NCOA3: variants seen among roughly 807,000 people sequenced by gnomAD.
The protein encoded by NCOA3 is nuclear receptor coactivator 3, also known as CBP-interacting protein.
A neutral mutation model predicts 158.8 loss-of-function variants in NCOA3; 51 were observed. That is an observed-to-expected ratio of 0.32 (90% CI 0.26 to 0.41). NCOA3 has a LOEUF of 0.41. Among genes scored for constraint, NCOA3 ranks in the 10% least tolerant of loss-of-function variants. NCOA3 has a pLI of 1.00. For missense variants in NCOA3, 1,510 were observed against 1,746.6 expected, an observed-to-expected ratio of 0.86 and a Z score of 2.41; for synonymous variants, 537 against 592.4, an observed-to-expected ratio of 0.91 and a Z score of 1.36.
chr20:47,538,406 GTC>G (rs1211954001), intron 1 of NCOA3, among the ~76,000 whole-genome samples: 1 of 152,194 alleles, frequency 6.6e-6, no homozygotes, highest in African/African-American at 2.4e-5. Flanking sequence ...GTTTAAGAGA[GTC>G]TGATGTTCCA....
At chr20:47,596,199 A>C (rs1021143448) in intron 2 of NCOA3, among the ~76,000 whole-genome samples, 1 of 152,224 alleles carries the variant, frequency 6.6e-6, no homozygotes, top group Non-Finnish European at 1.5e-5. Flanking sequence ...AATTAACTTC[A>C]TTTAAAAAAC....
chr20:47,634,296 T>G, intron 10 of NCOA3, 101 bp downstream of exon 10: 1 of 1,180,334 alleles, frequency 8.5e-7, no homozygotes, highest in East Asian at 2.4e-5. Context: ...GAGACAAAAT[T>G]TAGGAAGGTT....
rs942022355 is a variant in NCOA3 at position 47,655,118 on chromosome 20, T to G, written c.*1701T>G. The G allele has an allele frequency of 1.3e-5, 2 of 152,210 alleles. No individual in the cohort carries two copies. The highest frequency in any genetic ancestry group is 4.8e-5 in the African/African-American group (2 of 41,454). 9.4% of individuals were successfully genotyped at this position (152,210 alleles called of 1,614,324 possible). A position where few individuals can be genotyped will look rare whatever the true frequency, so the allele number is the denominator to read the frequency against. Reference sequence around the variant, plus strand: ...CCAGAACAGCCAGTTTTACTGTGATTCAGAGCCACAGTCTAACTGAGCACC... The same window carrying G: ...CCAGAACAGCCAGTTTTACTGTGATGCAGAGCCACAGTCTAACTGAGCACC... On this transcript the variant is annotated 3_prime_UTR_variant, in exon 23 of 23. Transcript: ENST00000371998.
At chr20:47,622,448 G>T (rs2086257034) in intron 3 of NCOA3, 118 bp downstream of exon 3, 4 of 643,680 alleles carry the variant, frequency 6.2e-6, no homozygotes, top group Non-Finnish European at 1.0e-5. Context: ...TTCACTTCGT[G>T]GTAAGTAGAG....
intron 1 of NCOA3, among the ~76,000 whole-genome samples, chr20:47,525,569 C>G (rs1408901333): frequency 7.4e-6 from 1 of 134,632 alleles, no homozygotes; most frequent in African/African-American, 3.0e-5. Context: ...GGGGCTGACC[C>G]CCCCCACCTC....
chr20:47,635,877 T>G lies in NCOA3; in HGVS notation c.1505-14T>G. On this transcript the variant is annotated splice_polypyrimidine_tract_variant and intron_variant, in intron 11 of 22. Coordinates refer to ENST00000371998, the MANE Select transcript of NCOA3 (RefSeq NM_181659.3). The stretch of plus-strand genomic sequence containing the variant: ...GTAGTCTAATTCTTTTCCTAAATTT[T>G]TTTTCAAATTCAGGTGTGCACTCTC... 6.4e-7 allele frequency: 1 copy of G among 1,574,122 alleles called. No homozygotes were observed. Among genetic ancestry groups the G allele is most frequent in the Non-Finnish European group, 8.6e-7 (1 of 1,164,104 alleles).
At chr20:47,553,857 A>T (rs542793738) in intron 1 of NCOA3, among the ~76,000 whole-genome samples, 104 of 152,218 alleles carry the variant, frequency 6.8e-4, no homozygotes, top group East Asian at 9.6e-4. Context: ...CGCAATAAAC[A>T]TATGTGTGCA....
At chr20:47,564,675 C>T (rs2085163861) in intron 1 of NCOA3, among the ~76,000 whole-genome samples, 1 of 151,780 alleles carries the variant, frequency 6.6e-6, no homozygotes, top group Admixed American at 6.6e-5. Flanking sequence ...TAGCCATGGA[C>T]TTGTTGAGTC....
At chr20:47,531,107 G>T (rs1353423446) in intron 1 of NCOA3, among the ~76,000 whole-genome samples, 5 of 152,166 alleles carry the variant, frequency 3.3e-5, no homozygotes, top group African/African-American at 1.2e-4. Flanking sequence ...GGAGACTGAG[G>T]GCAGGCAGAT....
intron 1 of NCOA3, among the ~76,000 whole-genome samples, chr20:47,514,705 GT>G (rs1298785191): frequency 1.7e-5 from 2 of 115,280 alleles, no homozygotes; most frequent in South Asian, 2.8e-4. Context: ...GTTTTGTTTT[GT>G]TTTTTGCTTT....
chr20:47,534,653 A>C lies in NCOA3; in HGVS notation c.-99+32634A>C, dbSNP rs139177011. ...GTTTGGGCCAGATGAGCTGGTTCAC[A>C]CCTGTAACCCCAGCACTTTGGGAGG... On this transcript the variant is annotated intron_variant, in intron 1 of 22. Coordinates refer to ENST00000371998, the MANE Select transcript of NCOA3 (RefSeq NM_181659.3). Among the ~76,000 whole-genome samples the C allele has an allele frequency of 1.8e-3, 279 of 152,298 alleles. 1 individual carries two copies. The highest frequency in any genetic ancestry group is 6.4e-3 in the African/African-American group (265 of 41,574).
chr20:47,564,711 T>TA (rs2085164464), intron 1 of NCOA3, among the ~76,000 whole-genome samples: 1 of 152,216 alleles, frequency 6.6e-6, no homozygotes, highest in South Asian at 2.1e-4. Context: ...TTTAAAGTTT[T>TA]TAATTTTTGC....
chr20:47,600,110 TTGTGTGTGTGTGTGTG>T (rs11472351), intron 2 of NCOA3, among the ~76,000 whole-genome samples: 1 of 143,036 alleles, frequency 7.0e-6, no homozygotes, highest in Non-Finnish European at 1.5e-5. Context: ...CTCACTTCCT[TTGTGTGTGTGTGTGTG>T]TGTGTGTGTG....
chr20:47,558,650 C>CT lies in NCOA3; in HGVS notation c.-98-24525dup, dbSNP rs199578981. ...CTGCCAGATTGTCTAATGTCAGTCT[C>CT]TTTTTTTTGGATGCTGCTTCTTCTA... On this transcript the variant is annotated intron_variant, in intron 1 of 22. Coordinates refer to ENST00000371998, the MANE Select transcript of NCOA3 (RefSeq NM_181659.3). Among the ~76,000 whole-genome samples, 399 of 151,880 alleles carry CT rather than the reference C, an allele frequency of 2.6e-3. 4 individuals are homozygous for CT. The highest frequency in any genetic ancestry group is 9.0e-3 in the African/African-American group (371 of 41,438).
chr20:47,546,836 C>T (rs1568671797), intron 1 of NCOA3, among the ~76,000 whole-genome samples: 3 of 152,150 alleles, frequency 2.0e-5, no homozygotes, highest in South Asian at 4.1e-4. Flanking sequence ...CGGCCTGCCT[C>T]TGTTACATCT....
At chr20:47,623,401 A>G (rs1043725709) in intron 3 of NCOA3, among the ~76,000 whole-genome samples, 7 of 152,220 alleles carry the variant, frequency 4.6e-5, no homozygotes, top group African/African-American at 1.7e-4. Context: ...ATGGAACTGA[A>G]TTTAGGTTTA....
chr20:47,564,291 A>G (rs1394063697), intron 1 of NCOA3, among the ~76,000 whole-genome samples: 1 of 151,850 alleles, frequency 6.6e-6, no homozygotes, highest in African/African-American at 2.4e-5. Context: ...TTATTGTAGC[A>G]TGGGCATCCT....
At position 47,653,604 on chromosome 20, in the gene NCOA3, G is replaced by A. The variant is rs2086831791; in HGVS notation, c.*187G>A. The A allele has an allele frequency of 1.2e-5, 8 of 695,150 alleles. No homozygotes were observed. The highest frequency in any genetic ancestry group is 2.5e-5 in the East Asian group (1 of 39,992). 43.1% of individuals were successfully genotyped at this position (695,150 alleles called of 1,614,324 possible). Reference sequence around the variant, plus strand: ...TTTTAAGCCGAAGGGCAATATCTACGTGTTTTTCCCCCCTCCTTCTGCTGT... The same window carrying A: ...TTTTAAGCCGAAGGGCAATATCTACATGTTTTTCCCCCCTCCTTCTGCTGT... On this transcript the variant is annotated 3_prime_UTR_variant, in exon 23 of 23. Coordinates refer to ENST00000371998, the MANE Select transcript of NCOA3 (RefSeq NM_181659.3).
At chr20:47,591,086 G>A (rs1295504250) in intron 2 of NCOA3, among the ~76,000 whole-genome samples, 1 of 152,148 alleles carries the variant, frequency 6.6e-6, no homozygotes, top group African/African-American at 2.4e-5. Flanking sequence ...TTCCAGCCTG[G>A]GAAACAGAGT....
Sources: allele counts gnomAD v4.1 joint callset (sites outside exome capture counted in the v4.1 genomes callset), GRCh38; gene constraint gnomAD v4.1.1; transcripts MANE v1.5; gene names NCBI Gene and HGNC (gene_info 2026-07-23, HGNC 2026-07-21).